The following CCNH variants were observed in gnomAD, a reference collection of about 807,000 sequenced individuals.
CCNH encodes cyclin H, also known as cyclin-H.
CCNH carries 31 observed loss-of-function variants against 41.9 expected under a neutral mutation model. The ratio of observed to expected loss-of-function variants is 0.74; its 90% CI spans 0.56 to 1.00. CCNH has a LOEUF of 1.00. Ranked by LOEUF, CCNH falls within the 50% of genes least tolerant of loss-of-function variation. The pLI is 0.00. For missense variants in CCNH, 362 were observed against 388.4 expected (o/e 0.93, Z 0.57); for synonymous variants, 138 against 136.1 (o/e 1.01, Z -0.10).
At chr5:87,354,081 T>G (rs1205871142) in intron 9 of CCNH, among the ~76,000 whole-genome samples, 1 of 151,874 alleles carries the variant, frequency 6.6e-6, no homozygotes, top group Non-Finnish European at 1.5e-5. Context: ...TGATGTTTCC[T>G]CCTAACAAAT....
At chr5:87,331,514 C>T in intron 9 of CCNH, 1 of 1,612,594 alleles carries the variant, frequency 6.2e-7, no homozygotes, top group Non-Finnish European at 8.5e-7. Context: ...AGTCTTTATT[C>T]CTATTATGAA....
chr5:87,371,170 C>A (rs1760912343), intron 9 of CCNH, among the ~76,000 whole-genome samples: 2 of 152,064 alleles, frequency 1.3e-5, no homozygotes, highest in African/African-American at 4.8e-5. Flanking sequence ...GCAAGCCTAA[C>A]ATAGAACATT....
chr5:87,378,600 T>C, upstream of CCNH: 1 of 1,467,896 alleles, frequency 6.8e-7, no homozygotes, highest in Non-Finnish European at 9.4e-7. Flanking sequence ...GGTAATAATT[T>C]GTAGCCAATT....
At chr5:87,349,405 A>G in intron 9 of CCNH, 1 of 1,598,918 alleles carries the variant, frequency 6.3e-7, no homozygotes, top group South Asian at 1.1e-5. Flanking sequence ...TTTTCGCAAA[A>G]ATAGTTGAAA....
chr5:87,386,693 G>A, downstream of CCNH: 1 of 732,180 alleles, frequency 1.4e-6, no homozygotes, highest in South Asian at 1.5e-5. Flanking sequence ...TACATGTATG[G>A]GTTTTGCTAT....
chr5:87,403,905 G>A (rs1201181498), intron 5 of CCNH, among the ~76,000 whole-genome samples: 1 of 152,208 alleles, frequency 6.6e-6, no homozygotes, highest in Non-Finnish European at 1.5e-5. Context: ...CTCCTAAAGT[G>A]TAGTACAGTG....
At chr5:87,331,548 T>C in intron 9 of CCNH, 2 of 1,582,292 alleles carry the variant, frequency 1.3e-6, no homozygotes, top group Non-Finnish European at 1.7e-6. Context: ...GCTATTTTGA[T>C]ATAATATTCA....
downstream of CCNH, chr5:87,374,970 C>G (rs569701230): frequency 4.7e-4 from 725 of 1,543,308 alleles, 1 homozygote; most frequent in Non-Finnish European, 5.9e-4. Flanking sequence ...TATATACTTT[C>G]AAAATTCACA....
intron 9 of CCNH, among the ~76,000 whole-genome samples, chr5:87,338,536 A>ATATATATATTTTTTT: frequency 8.2e-5 from 7 of 85,220 alleles, no homozygotes; most frequent in African/African-American, 8.8e-5. Flanking sequence ...TATATATAAA[A>ATATATATATTTTTTT]TTTTTTTTTT....
At chr5:87,315,156 C>CA (rs1423667306), downstream of CCNH, among the ~76,000 whole-genome samples, 2 of 152,138 alleles carry the variant, frequency 1.3e-5, no homozygotes, top group African/African-American at 4.8e-5. Flanking sequence ...GGCTAACAGG[C>CA]AAAAACTTCA....
At position 87,337,921 on chromosome 5, in the gene CCNH, A is replaced by T. The variant is rs191885936; in HGVS notation, c.*91-19024T>A. On this transcript the variant is annotated intron_variant and NMD_transcript_variant, in intron 9 of 9. Transcript: ENST00000645953. ...TATTTTGTGGTATATGACTATTCTAATCTCTGTATTTAAAATTTTTAAATT... is the reference window on the plus strand; with the variant it reads ...TATTTTGTGGTATATGACTATTCTATTCTCTGTATTTAAAATTTTTAAATT... 4.0e-5 allele frequency: 60 copies of T among 1,511,568 alleles called. 1 individual carries two copies. In the East Asian group the frequency reaches 7.0e-4, roughly 18 times the overall value. The allele number at this position is 1,511,568 out of a possible 1,614,324, so 93.6% of individuals were successfully genotyped here. A position where few individuals can be genotyped will look rare whatever the true frequency, so the allele number is the denominator to read the frequency against.
chr5:87,391,230 G>T (rs1035720056), downstream of CCNH: 3 of 429,680 alleles, frequency 7.0e-6, no homozygotes, highest in African/African-American at 2.0e-5. Flanking sequence ...CCAAAGTTTT[G>T]CTGTCTCTTA....
intron 4 of CCNH, 84 bp from the exon 5 acceptor site, chr5:87,405,091 T>G: frequency 1.1e-6 from 1 of 910,460 alleles, no homozygotes; most frequent in Non-Finnish European, 1.7e-6. Flanking sequence ...CAACTCCTAT[T>G]AAGAAATATA....
At chr5:87,405,235 T>C (rs1012545447) in intron 4 of CCNH, among the ~76,000 whole-genome samples, 1 of 152,192 alleles carries the variant, frequency 6.6e-6, no homozygotes, top group African/African-American at 2.4e-5. Context: ...CCATTGAGTC[T>C]AAAGTAGGGC....
At chr5:87,328,864 G>C (rs1757415020) in intron 9 of CCNH, among the ~76,000 whole-genome samples, 1 of 152,094 alleles carries the variant, frequency 6.6e-6, no homozygotes, top group African/African-American at 2.4e-5. Context: ...AATCTGTAAG[G>C]TGTCTGAATC....
In CCNH at chr5:87,399,318, C is replaced by A. The variant is rs569953631; in HGVS notation, c.872+76G>T. The A allele has an allele frequency of 1.3e-5, 14 of 1,047,194 alleles. No individual in the cohort carries two copies. In the African/African-American group the frequency reaches 1.7e-4, roughly 13 times the overall value. The allele number at this position is 1,047,194 out of a possible 1,614,324, so 64.9% of individuals were successfully genotyped here. ...TCAGCTTTCCTCTAATGAGCAAACA[C>A]CAATAAAATGATTTACGAACCAGCT... On this transcript the variant is annotated intron_variant, in intron 7 of 8. Coordinates refer to ENST00000256897, the MANE Select transcript of CCNH (RefSeq NM_001239.4).
At chr5:87,399,828 A>C (rs1763262585) in intron 6 of CCNH, among the ~76,000 whole-genome samples, 1 of 152,114 alleles carries the variant, frequency 6.6e-6, no homozygotes, top group Non-Finnish European at 1.5e-5. Context: ...AAAATCCCTA[A>C]ATGATTTAGT....
At chr5:87,408,983 C>A in intron 3 of CCNH, 1 of 192,788 alleles carries the variant, frequency 5.2e-6, no homozygotes. Context: ...GATTCTCAGT[C>A]TGAACAACTG....
chr5:87,338,536 A>ATATATTTTT, intron 9 of CCNH, among the ~76,000 whole-genome samples: 7 of 85,216 alleles, frequency 8.2e-5, no homozygotes, highest in South Asian at 3.9e-4. Flanking sequence ...TATATATAAA[A>ATATATTTTT]TTTTTTTTTT....
Sources: allele counts gnomAD v4.1 joint callset (sites outside exome capture counted in the v4.1 genomes callset), GRCh38; gene constraint gnomAD v4.1.1; transcripts MANE v1.5; gene names NCBI Gene and HGNC (gene_info 2026-07-23, HGNC 2026-07-21).